The following WDPCP variants were observed in gnomAD, a reference collection of about 807,000 sequenced individuals.
The protein encoded by WDPCP is WD repeat-containing and planar cell polarity effector protein fritz homolog.
WDPCP carries 71 observed loss-of-function variants against 93.1 expected under a neutral mutation model. The observed-to-expected ratio is 0.76, with a 90% CI of 0.63 to 0.93. The LOEUF (loss-of-function observed/expected upper bound fraction) is 0.93. WDPCP is among the 40% of genes least tolerant of loss of function. The pLI is 0.00. For synonymous variants in WDPCP, 315 were observed against 315.0 expected (o/e 1.00, Z 0.00); for missense variants, 844 against 887.4 (o/e 0.95, Z 0.62).
chr2:63,415,120 G>C (rs1018829699), intron 9 of WDPCP, among the ~76,000 whole-genome samples: 2 of 152,222 alleles, frequency 1.3e-5, no homozygotes, highest in African/African-American at 2.4e-5. Context: ...CCAGTGCTTT[G>C]TAATGCCAAG....
chr2:63,840,501 C>T, the WDPCP span, among the ~76,000 whole-genome samples: 9 of 152,190 alleles, frequency 5.9e-5, no homozygotes, highest in Middle Eastern at 6.3e-3. Context: ...TTCTTCAATG[C>T]CTAAACCCTC....
intron 2 of WDPCP, among the ~76,000 whole-genome samples, chr2:63,722,685 A>C (rs1669442007): frequency 1.7e-5 from 2 of 121,120 alleles, no homozygotes; most frequent in Non-Finnish European, 3.5e-5. Flanking sequence ...CCGCCCGGCC[A>C]GCCGCCCCGT....
chr2:63,721,828 G>C (rs916379203), intron 2 of WDPCP, among the ~76,000 whole-genome samples: 1 of 151,752 alleles, frequency 6.6e-6, no homozygotes, highest in Non-Finnish European at 1.5e-5. Context: ...TCGGCTCACT[G>C]CAACCTCCCT....
At chr2:63,546,616 A>T (rs1705169281) in intron 1 of WDPCP, among the ~76,000 whole-genome samples, 1 of 152,198 alleles carries the variant, frequency 6.6e-6, no homozygotes, top group South Asian at 2.1e-4. Context: ...GACTTAGCCC[A>T]AACTGGTGCC....
At chr2:63,331,528 T>C (rs1467041035) in intron 12 of WDPCP, among the ~76,000 whole-genome samples, 6 of 152,222 alleles carry the variant, frequency 3.9e-5, no homozygotes, top group African/African-American at 1.4e-4. Context: ...TATTGAGATA[T>C]GATTCATTTA....
intron 2 of WDPCP, among the ~76,000 whole-genome samples, chr2:63,702,948 A>C (rs1334945974): frequency 1.3e-5 from 2 of 150,356 alleles, no homozygotes; most frequent in Non-Finnish European, 3.0e-5. Flanking sequence ...TTCAATTCCC[A>C]CCTATGAGTG....
At chr2:63,525,836 T>G (rs1464346650) in intron 1 of WDPCP, among the ~76,000 whole-genome samples, 1 of 152,186 alleles carries the variant, frequency 6.6e-6, no homozygotes, top group Non-Finnish European at 1.5e-5. Context: ...ACTGGAGTAC[T>G]TTAATGTAAT....
intron 9 of WDPCP, among the ~76,000 whole-genome samples, chr2:63,409,481 C>A (rs1558592427): frequency 6.6e-6 from 1 of 152,140 alleles, no homozygotes; most frequent in Non-Finnish European, 1.5e-5. Context: ...TAACAGGACA[C>A]AACAAGGCTC....
chr2:63,823,251 T>C (rs1671051772), intron 1 of WDPCP, among the ~76,000 whole-genome samples: 1 of 150,642 alleles, frequency 6.6e-6, no homozygotes, highest in African/African-American at 2.4e-5. Context: ...CTCACGTCTG[T>C]AATCCCAGCA....
chr2:63,627,731 A>C (rs1709825175), intron 3 of WDPCP, among the ~76,000 whole-genome samples: 1 of 152,312 alleles, frequency 6.6e-6, no homozygotes, highest in East Asian at 1.9e-4. Flanking sequence ...TTCCCGCTCC[A>C]TTCCCTTTCC....
At chr2:63,408,253 CTG>C (rs1291744844) in intron 9 of WDPCP, among the ~76,000 whole-genome samples, 1 of 152,180 alleles carries the variant, frequency 6.6e-6, no homozygotes, top group African/African-American at 2.4e-5. Context: ...ACCCCAAATA[CTG>C]TGAGTGCCCC....
At chr2:63,575,424 T>TAC (rs1458699001) in intron 1 of WDPCP, among the ~76,000 whole-genome samples, 1 of 106,460 alleles carries the variant, frequency 9.4e-6, no homozygotes. Context: ...ATACACTGTA[T>TAC]ACAGTGTATA....
chr2:63,509,903 G>C (rs111993626), intron 1 of WDPCP, among the ~76,000 whole-genome samples: 29,346 of 151,956 alleles, frequency 0.19, 3,020 homozygotes, highest in Middle Eastern at 0.29. Context: ...TCCCTGAACA[G>C]ACCAAAAACA....
intron 12 of WDPCP, among the ~76,000 whole-genome samples, chr2:63,351,099 G>A (rs952932661): frequency 8.6e-5 from 13 of 151,526 alleles, no homozygotes; most frequent in Non-Finnish European, 1.3e-4. Flanking sequence ...CTTGTGCCTC[G>A]GCCTCTCAAG....
At chr2:63,471,688 T>C (rs1366635303) in intron 6 of WDPCP, among the ~76,000 whole-genome samples, 1 of 152,202 alleles carries the variant, frequency 6.6e-6, no homozygotes, top group Admixed American at 6.5e-5. Context: ...ACATCCTTCC[T>C]GGAACCTCCC....
intron 3 of WDPCP, among the ~76,000 whole-genome samples, chr2:63,632,183 G>C (rs1309313251): frequency 1.3e-5 from 2 of 152,112 alleles, no homozygotes; most frequent in African/African-American, 4.8e-5. Flanking sequence ...CTTGTTGAAG[G>C]TCTTTCCCCA....
chr2:63,724,965 G>A (rs577136566), intron 2 of WDPCP, among the ~76,000 whole-genome samples: 67 of 152,260 alleles, frequency 4.4e-4, no homozygotes, highest in African/African-American at 1.5e-3. Context: ...TCTCCTACGG[G>A]ATTTTAAAAA....
intron 14 of WDPCP, among the ~76,000 whole-genome samples, chr2:63,233,851 G>C (rs749935665): frequency 8.5e-5 from 13 of 152,204 alleles, no homozygotes; most frequent in South Asian, 4.1e-4. Context: ...TTGATCTGGT[G>C]CCCAGCCCTG....
chr2:63,378,295 A>G (rs2292795), intron 12 of WDPCP, 91 bp downstream of exon 12: 1,145,424 of 1,555,822 alleles, frequency 0.74, 426,981 homozygotes, highest in East Asian at 0.96. Flanking sequence ...TAGGAAACAC[A>G]TAGCCTTACT....
Sources: gnomAD v4.1 joint callset for allele counts (sites outside exome capture counted in the v4.1 genomes callset) on GRCh38, gnomAD v4.1.1 for gene constraint, MANE v1.5 for transcripts, NCBI Gene and HGNC (gene_info 2026-07-23, HGNC 2026-07-21) for gene names.